DNAH10: variants seen among roughly 807,000 people sequenced by gnomAD.
DNAH10 encodes dynein axonemal heavy chain 10, also known as axonemal beta dynein heavy chain 10.
Under a neutral mutation model 506.6 loss-of-function variants are expected in DNAH10, and 348 were observed. The observed-to-expected ratio is 0.69, with a 90% CI of 0.63 to 0.75. DNAH10 has a LOEUF of 0.75. Ranked by LOEUF, DNAH10 falls within the 30% of genes least tolerant of loss-of-function variation. DNAH10 has a pLI of 0.00. For missense variants in DNAH10, 5,179 were observed against 5,787.1 expected (o/e 0.89, Z 3.41); for synonymous variants, 2,059 against 2,198.6 (o/e 0.94, Z 1.78).
chr12:123,867,687 C>A, intron 42 of DNAH10, 86 bp downstream of exon 42: 1 of 1,562,926 alleles, frequency 6.4e-7, no homozygotes, highest in Non-Finnish European at 8.7e-7. Context: ...GTGAAGATGC[C>A]AGACAGGGTG....
intron 30 of DNAH10, among the ~76,000 whole-genome samples, chr12:123,844,664 G>A (rs1488548472): frequency 6.6e-6 from 1 of 152,192 alleles, no homozygotes; most frequent in Non-Finnish European, 1.5e-5. Context: ...CTTGAGACAG[G>A]GTCTTGCTCT....
chr12:123,769,624 G>A (rs1365522439), intron 2 of DNAH10, among the ~76,000 whole-genome samples: 1 of 152,202 alleles, frequency 6.6e-6, no homozygotes, highest in Admixed American at 6.5e-5. Context: ...AGGTGGGAAG[G>A]TCGGGGAAGT....
At position 123,762,600 on chromosome 12, in the gene DNAH10, C is replaced by T. The variant is rs1162089870; in HGVS notation, c.214+50C>T. The T allele has an allele frequency of 2.0e-6, 3 of 1,497,872 alleles. No individual in the cohort carries two copies. Among genetic ancestry groups the T allele is most frequent in the Admixed American group, 2.1e-5 (1 of 46,912 alleles). The allele number at this position is 1,497,872 out of a possible 1,614,324, so 92.8% of individuals were successfully genotyped here. A position where few individuals can be genotyped will look rare whatever the true frequency, so the allele number is the denominator to read the frequency against. On this transcript the variant is annotated intron_variant, in intron 1 of 78. Coordinates refer to ENST00000673944, the MANE Select transcript of DNAH10 (RefSeq NM_001372106.1). This position sits in a 1 kb window ranked among gnomAD's most constrained non-coding sequence, Gnocchi z 5.0. ...TCCCCGGGCTTCCCTCCTGCCCGTC[C>T]CGGCCTCTCCGGCGGGCGCCGGGGC...
Position 123,762,361 on chromosome 12 carries a change from A to G in DNAH10, c.25A>G (p.Met9Val). 1 of 1,364,214 alleles carries G rather than the reference A, an allele frequency of 7.3e-7. No individual in the cohort carries two copies. Among genetic ancestry groups the G allele is most frequent in the Non-Finnish European group, 9.5e-7 (1 of 1,055,624 alleles). The allele number at this position is 1,364,214 out of a possible 1,614,324, so 84.5% of individuals were successfully genotyped here. A position where few individuals can be genotyped will look rare whatever the true frequency, so the allele number is the denominator to read the frequency against. ...CATGGACGACCTGCGGGTGCTGTGG[A>G]TGCGCGACCGCGTGTATGCGGCTTT... MDDLRVLW[M>V]RDRVYAAFGI... The change falls in exon 1 of 79, where the codon ATG (methionine) becomes GTG (valine). Residue 9 changes from methionine (M) to valine (V), a missense_variant. Physicochemically the swap from Met to Val is conservative, Grantham distance 21 (BLOSUM62 1). Around this residue, in one of 3 missense-constraint regions of DNAH10, gnomAD observed 326 missense variants for 330.8 expected, o/e 0.99. Coordinates refer to ENST00000673944, the MANE Select transcript of DNAH10 (RefSeq NM_001372106.1). The surrounding 1 kb of genome is among the most constrained non-coding windows in gnomAD (Gnocchi z 5.0).
Position 123,917,144 on chromosome 12 carries a change from C to A in DNAH10, c.11002+408C>A, listed in dbSNP as rs1205722570. On this transcript the variant is annotated intron_variant, in intron 63 of 78. Transcript: ENST00000673944. The surrounding 1 kb of genome is among the most constrained non-coding windows in gnomAD (Gnocchi z 5.6). Reference sequence around the variant, plus strand: ...GCTGTCATGCTCCTGCTTAAATAGGCTAATTTGATTTGGATGTACTTTCTT... The same window carrying A: ...GCTGTCATGCTCCTGCTTAAATAGGATAATTTGATTTGGATGTACTTTCTT... Among the ~76,000 whole-genome samples the A allele has an allele frequency of 1.3e-5, 2 of 151,338 alleles. No individual in the cohort carries two copies. Among genetic ancestry groups the A allele is most frequent in the African/African-American group, 4.9e-5 (2 of 41,006 alleles).
chr12:123,806,601 T>C (rs1958682091), intron 18 of DNAH10, among the ~76,000 whole-genome samples: 1 of 152,200 alleles, frequency 6.6e-6, no homozygotes. Context: ...CCTTTGGTCT[T>C]CTTGTTTTCT....
intron 73 of DNAH10, among the ~76,000 whole-genome samples, chr12:123,930,990 C>G (rs936166068): frequency 6.6e-6 from 1 of 151,928 alleles, no homozygotes; most frequent in African/African-American, 2.4e-5. Flanking sequence ...CAAGACCAGC[C>G]TGGGCAACCA....
chr12:123,788,512 T>C (rs1173047202), intron 10 of DNAH10, among the ~76,000 whole-genome samples: 1 of 152,188 alleles, frequency 6.6e-6, no homozygotes, highest in African/African-American at 2.4e-5. Context: ...GGTACTCAGA[T>C]GTCTTAATGC....
intron 28 of DNAH10, among the ~76,000 whole-genome samples, chr12:123,836,786 G>A (rs942701511): frequency 1.3e-5 from 2 of 152,044 alleles, no homozygotes; most frequent in Non-Finnish European, 2.9e-5. Context: ...TTGGGAGGCC[G>A]AGGTGGGCGA....
chr12:123,831,288 ACTC>A (rs1960518549), intron 26 of DNAH10, among the ~76,000 whole-genome samples: 1 of 150,474 alleles, frequency 6.6e-6, no homozygotes, highest in Admixed American at 6.6e-5. Flanking sequence ...CACACATACT[ACTC>A]ATATATGTGC....
At chr12:123,784,226 CAT>C in intron 8 of DNAH10, 49 bp downstream of exon 8, 2 of 1,550,192 alleles carry the variant, frequency 1.3e-6, no homozygotes, top group South Asian at 1.1e-5. Flanking sequence ...AAAGAGATTT[CAT>C]ATGATTTAAT....
intron 57 of DNAH10, chr12:123,908,379 G>A (rs753081277): frequency 7.7e-5 from 35 of 455,990 alleles, no homozygotes; most frequent in South Asian, 1.9e-4. Context: ...CTGCCTGGCC[G>A]CCCCCACACT....
At chr12:123,868,190 G>A (rs1951888356) in intron 43 of DNAH10, 71 bp downstream of exon 43, 4 of 1,319,978 alleles carry the variant, frequency 3.0e-6, no homozygotes, top group East Asian at 4.8e-5. Flanking sequence ...AAGTGAATGA[G>A]CTTTTCCATA....
intron 23 of DNAH10, 135 bp from the exon 24 acceptor site, chr12:123,820,445 A>T (rs1959270347): frequency 2.3e-6 from 2 of 886,028 alleles, no homozygotes; most frequent in Non-Finnish European, 3.4e-6. Flanking sequence ...GAATGGTGCC[A>T]TGATTCTAAA....
chr12:123,934,095 G>A (rs916745436), intron 77 of DNAH10: 14 of 608,052 alleles, frequency 2.3e-5, no homozygotes, highest in African/African-American at 1.8e-4. Context: ...CCAGGTCTCA[G>A]TGGCAGGGGA....
intron 29 of DNAH10, among the ~76,000 whole-genome samples, chr12:123,840,282 C>T (rs971838747): frequency 4.6e-5 from 7 of 152,024 alleles, no homozygotes; most frequent in Non-Finnish European, 1.0e-4. Flanking sequence ...GTGCTTTCTC[C>T]TATTACTTTC....
intron 13 of DNAH10, 58 bp from the exon 14 acceptor site, chr12:123,799,188 C>CTCT: frequency 6.9e-7 from 1 of 1,454,774 alleles, no homozygotes; most frequent in South Asian, 1.3e-5. Context: ...CTGTGTAGAG[C>CTCT]GAGATGAAAA....
chr12:123,925,201 AG>A lies in DNAH10; in HGVS notation c.11919del (p.Lys3974SerfsTer7). Reference sequence around the variant, plus strand: ...GACTATGTGACTGTAACAATGGGAGAGAAGTAAGTGTGTCGTTTTGTTGATT... The same window carrying A: ...GACTATGTGACTGTAACAATGGGAGAAAGTAAGTGTGTCGTTTTGTTGATT... The part of the protein sequence containing the change: ...VTDYVTVTMG[E>X]KYVQPPMISF... On this transcript the variant is annotated frameshift_variant and splice_region_variant, in exon 68 of 79. Transcript: ENST00000673944. LOFTEE classifies it high-confidence loss of function. This position sits in a 1 kb window ranked among gnomAD's most constrained non-coding sequence, Gnocchi z 4.0. 1.2e-6 allele frequency: 2 copies of A among 1,613,886 alleles called. No individual in the cohort carries two copies. Among genetic ancestry groups the A allele is most frequent in the Non-Finnish European group, 1.7e-6 (2 of 1,179,860 alleles).
At chr12:123,887,055 A>ACT in intron 51 of DNAH10, 87 bp from the exon 52 acceptor site, 1 of 1,465,922 alleles carries the variant, frequency 6.8e-7, no homozygotes, top group Non-Finnish European at 9.1e-7. Flanking sequence ...CGCCCTCTGC[A>ACT]CTCTCCTCCA....
Sources: gnomAD v4.1 joint callset for allele counts (sites outside exome capture counted in the v4.1 genomes callset) on GRCh38, gnomAD v4.1.1 for gene constraint, gnomAD v4.1.1 regional missense constraint, Gnocchi (gnomAD v3.1) non-coding constraint, MANE v1.5 for transcripts, NCBI Gene and HGNC (gene_info 2026-07-23, HGNC 2026-07-21) for gene names.